The following MON2 variants were observed in gnomAD, a reference collection of about 807,000 sequenced individuals.
The protein encoded by MON2 is MON2 regulator of endosome-to-Golgi trafficking.
MON2 carries 84 observed loss-of-function variants against 208.6 expected under a neutral mutation model. That is an observed-to-expected ratio of 0.40 (90% CI 0.34 to 0.48). The LOEUF is 0.48. Among genes scored for constraint, MON2 ranks in the 20% least tolerant of loss-of-function variants. The pLI is 0.59. For missense variants in MON2, 1,611 were observed against 2,015.4 expected (o/e 0.80, Z 3.84); for synonymous variants, 660 against 694.0 (o/e 0.95, Z 0.77).
In MON2 at chr12:62,596,276, C is replaced by T. The variant is rs1230861422; in HGVS notation, c.*3527C>T. ...ATTTTAAAATGACTAATATTTTCTC[C>T]CCAAATACAGAATAATTCAGATGGG... On this transcript the variant is annotated 3_prime_UTR_variant, in exon 35 of 35. Coordinates refer to ENST00000393630, the MANE Select transcript of MON2 (RefSeq NM_015026.3). 1 of 152,012 alleles carries T rather than the reference C, an allele frequency of 6.6e-6. No individual in the cohort carries two copies. The highest frequency in any genetic ancestry group is 1.9e-4 in the East Asian group (1 of 5,190). 9.4% of individuals were successfully genotyped at this position (152,012 alleles called of 1,614,324 possible).
At chr12:62,535,240 A>C (rs917498976) in intron 13 of MON2, among the ~76,000 whole-genome samples, 2 of 152,102 alleles carry the variant, frequency 1.3e-5, no homozygotes, top group African/African-American at 4.8e-5. Flanking sequence ...AGGATTTAAA[A>C]ATTTACTGGT....
At chr12:62,523,285 T>C (rs1399766985) in intron 8 of MON2, among the ~76,000 whole-genome samples, 4 of 152,200 alleles carry the variant, frequency 2.6e-5, no homozygotes, top group African/African-American at 9.6e-5. Context: ...AGGGGATGTT[T>C]TTATTCTTAC....
chr12:62,474,765 C>T (rs1368034536), intron 1 of MON2, among the ~76,000 whole-genome samples: 3 of 152,104 alleles, frequency 2.0e-5, no homozygotes, highest in Non-Finnish European at 2.9e-5. Flanking sequence ...TTCCTCAAAA[C>T]GTCATTTTCC....
Position 62,592,598 on chromosome 12 carries a change from C to A in MON2, c.5003C>A (p.Thr1668Asn). The A allele has an allele frequency of 6.3e-7, 1 of 1,593,840 alleles. No homozygotes were observed. Among genetic ancestry groups the A allele is most frequent in the Non-Finnish European group, 8.6e-7 (1 of 1,165,260 alleles). The change falls in exon 35 of 35, where the codon ACC becomes AAC. Residue 1668 changes from threonine to asparagine, a missense_variant. By Grantham distance (65) the Thr-to-Asn change is moderately conservative. Coordinates refer to ENST00000393630, the MANE Select transcript of MON2 (RefSeq NM_015026.3). Reference protein sequence around the residue: ...KTQPENVDGNTWAQVIALYPT... With the variant: ...KTQPENVDGNNWAQVIALYPT... Reference sequence around the variant, plus strand: ...TTTTGCATTACAGTTGATGGAAATACCTGGGCACAAGTAATTGCCTTATAC... The same window carrying A: ...TTTTGCATTACAGTTGATGGAAATAACTGGGCACAAGTAATTGCCTTATAC...
At chr12:62,469,340 T>C (rs2068674112) in intron 1 of MON2, among the ~76,000 whole-genome samples, 1 of 152,156 alleles carries the variant, frequency 6.6e-6, no homozygotes, top group Admixed American at 6.5e-5. Context: ...AAGGAGACCC[T>C]GTCTCAAAAC....
In MON2 at chr12:62,524,531, T is replaced by TA; in HGVS notation, c.1002dup (p.Phe335IlefsTer13). The TA allele has an allele frequency of 1.2e-6, 2 of 1,610,296 alleles. No individual in the cohort carries two copies. The highest frequency in any genetic ancestry group is 1.7e-6 in the Non-Finnish European group (2 of 1,176,730). On this transcript the variant is annotated frameshift_variant, in exon 9 of 35. Coordinates refer to ENST00000393630, the MANE Select transcript of MON2 (RefSeq NM_015026.3). LOFTEE classifies it high-confidence loss of function. ...TATTTTTAGGTAACTGAATGTGAGATATTTCTGTCACTTCTGGTGAAATTT... is the reference window on the plus strand; with the variant it reads ...TATTTTTAGGTAACTGAATGTGAGATAATTTCTGTCACTTCTGGTGAAATTT...
chr12:62,485,495 TA>T (rs1229178793), intron 2 of MON2, among the ~76,000 whole-genome samples: 1 of 152,246 alleles, frequency 6.6e-6, no homozygotes, highest in Non-Finnish European at 1.5e-5. Context: ...GCCCTTAGCA[TA>T]AGCGCTCCTC....
intron 2 of MON2, among the ~76,000 whole-genome samples, chr12:62,488,242 G>A (rs2069909124): frequency 6.6e-6 from 1 of 152,150 alleles, no homozygotes; most frequent in Admixed American, 6.5e-5. Context: ...TAATGCTAAG[G>A]TAGAAGTATA....
intron 24 of MON2, among the ~76,000 whole-genome samples, chr12:62,553,877 AAAATGTCTTCTTAAAAAATTAATG>A: frequency 6.6e-6 from 1 of 152,144 alleles, no homozygotes. Flanking sequence ...AATAGACCCC[AAAATGTCTTCTTAAAAAATTAATG>A]GGCTGGGCAT....
rs2075485258 is a variant in MON2 at position 62,594,690 on chromosome 12, G to A, written c.*1941G>A. On this transcript the variant is annotated 3_prime_UTR_variant, in exon 35 of 35. Coordinates refer to ENST00000393630, the MANE Select transcript of MON2 (RefSeq NM_015026.3). ...CAGTTGCAATTAGGATAATTAAATAGTTAAATATGAGTCAAGTGTATGCAA... is the reference window on the plus strand; with the variant it reads ...CAGTTGCAATTAGGATAATTAAATAATTAAATATGAGTCAAGTGTATGCAA... 6.6e-6 allele frequency: 1 copy of A among 152,212 alleles called. No homozygotes were observed. Among genetic ancestry groups the A allele is most frequent in the Admixed American group, 6.5e-5 (1 of 15,288 alleles). The allele number at this position is 152,212 out of a possible 1,614,324, so 9.4% of individuals were successfully genotyped here. A position where few individuals can be genotyped will look rare whatever the true frequency, so the allele number is the denominator to read the frequency against.
rs1266353890 is a variant in MON2, at chr12:62,597,750, A to G, written c.*5001A>G. 1 of 152,126 alleles carries G rather than the reference A, an allele frequency of 6.6e-6. No individual in the cohort carries two copies. The highest frequency in any genetic ancestry group is 1.5e-5 in the Non-Finnish European group (1 of 68,008). 9.4% of individuals were successfully genotyped at this position (152,126 alleles called of 1,614,324 possible). On this transcript the variant is annotated 3_prime_UTR_variant, in exon 35 of 35. Transcript: ENST00000393630. ...TCTTTTCTCAAAGTAAAGTATTTAA[A>G]ACCTGTTTAAATGAGGGTTTTGGCT...
intron 8 of MON2, among the ~76,000 whole-genome samples, chr12:62,523,130 A>G (rs1442893465): frequency 6.6e-6 from 1 of 152,166 alleles, no homozygotes; most frequent in East Asian, 1.9e-4. Context: ...AGGGCTTACT[A>G]ATATTCAAAC....
intron 1 of MON2, among the ~76,000 whole-genome samples, chr12:62,483,315 A>G (rs1231518522): frequency 6.6e-6 from 1 of 152,200 alleles, no homozygotes; most frequent in Non-Finnish European, 1.5e-5. Context: ...GTAAAATACT[A>G]TGTGACTTGC....
At chr12:62,514,727 A>C (rs183763869) in intron 8 of MON2, among the ~76,000 whole-genome samples, 1 of 152,342 alleles carries the variant, frequency 6.6e-6, no homozygotes, top group African/African-American at 2.4e-5. Context: ...AAAGATTCAC[A>C]AATTACATAC....
At chr12:62,560,206 G>T (rs370485673) in intron 25 of MON2, 2 of 248,104 alleles carry the variant, frequency 8.1e-6, no homozygotes, top group Admixed American at 5.1e-5. Context: ...TAGTGCACTC[G>T]TCACCTACCT....
intron 26 of MON2, among the ~76,000 whole-genome samples, chr12:62,564,579 C>T (rs1245880836): frequency 1.3e-5 from 2 of 151,892 alleles, no homozygotes; most frequent in Non-Finnish European, 2.9e-5. Context: ...TTTATTCTTT[C>T]TTCCTATCAA....
chr12:62,496,842 A>G (rs1284332632), intron 4 of MON2, among the ~76,000 whole-genome samples: 1 of 151,428 alleles, frequency 6.6e-6, no homozygotes, highest in Non-Finnish European at 1.5e-5. Context: ...ATGCTGCTAT[A>G]AAGACACATG....
Position 62,592,581 on chromosome 12 carries a change from T to A in MON2, c.4991-5T>A. On this transcript the variant is annotated splice_region_variant and splice_polypyrimidine_tract_variant and intron_variant, in intron 34 of 34. Transcript: ENST00000393630. ...CTTTTGAGGTTTTATACTTTTGCAT[T>A]ACAGTTGATGGAAATACCTGGGCAC... The A allele has an allele frequency of 6.3e-7, 1 of 1,582,208 alleles. No individual in the cohort carries two copies. Among genetic ancestry groups the A allele is most frequent in the East Asian group, 2.3e-5 (1 of 44,342 alleles).
intron 33 of MON2, 127 bp downstream of exon 33, chr12:62,585,628 T>C (rs2075197927): frequency 1.4e-6 from 1 of 705,470 alleles, no homozygotes; most frequent in South Asian, 2.4e-5. Flanking sequence ...TATAATCTTA[T>C]TTATCCCATA....
Sources: allele counts gnomAD v4.1 joint callset (sites outside exome capture counted in the v4.1 genomes callset), GRCh38; gene constraint gnomAD v4.1.1; transcripts MANE v1.5; gene names NCBI Gene and HGNC (gene_info 2026-07-23, HGNC 2026-07-21).